DMRTA2: variants seen among roughly 807,000 people sequenced by gnomAD.
The protein encoded by DMRTA2 is DMRT like family A2, also known as doublesex- and mab-3-related transcription factor A2.
DMRTA2 carries 10 observed loss-of-function variants against 29.7 expected under a neutral mutation model. The observed-to-expected ratio is 0.34, with a 90% CI of 0.21 to 0.57. The LOEUF is 0.57. Ranked by LOEUF, DMRTA2 falls within the 20% of genes least tolerant of loss-of-function variation. The pLI is 0.87. For missense variants in DMRTA2, 783 were observed against 812.1 expected (o/e 0.96, Z 0.44); for synonymous variants, 469 against 402.6 (o/e 1.16, Z -1.97).
rs779067709 is a variant in DMRTA2, at chr1:50,419,322, G to A, written c.972C>T (p.Phe324=). 6.3e-7 allele frequency: 1 copy of A among 1,596,762 alleles called. No individual in the cohort carries two copies. The highest frequency in any genetic ancestry group is 8.5e-7 in the Non-Finnish European group (1 of 1,179,052). The part of the protein sequence containing the change: ...RTPLDILTRV[F]PGHRRGVLEL... ...CCAGGACGCCTCGCCGGTGGCCTGG[G>A]AACACGCGTGTCAAGATATCCAGCG... Residue 324 remains phenylalanine, a synonymous_variant, in exon 3 of 3, where the codon TTC becomes TTT. Coordinates refer to ENST00000404795, the MANE Select transcript of DMRTA2 (RefSeq NM_032110.3). The surrounding 1 kb of genome is among the most constrained non-coding windows in gnomAD (Gnocchi z 6.1).
rs968821956 is a variant in DMRTA2 at position 50,421,378 on chromosome 1, C to T, written c.159G>A (p.Gly53=). 4.7e-6 allele frequency: 7 copies of T among 1,496,802 alleles called. No individual in the cohort carries two copies. The highest frequency in any genetic ancestry group is 6.2e-6 in the Non-Finnish European group (7 of 1,124,100). The allele number at this position is 1,496,802 out of a possible 1,614,324, so 92.7% of individuals were successfully genotyped here. A position where few individuals can be genotyped will look rare whatever the true frequency, so the allele number is the denominator to read the frequency against. The change falls in exon 2 of 3, where the codon GGG becomes GGA. Residue 53 remains glycine (G), a synonymous_variant. Coordinates refer to ENST00000404795, the MANE Select transcript of DMRTA2 (RefSeq NM_032110.3). This position sits in a 1 kb window ranked among gnomAD's most constrained non-coding sequence, Gnocchi z 8.7. ...PVSVAGGLLR[G]PPLLLRAAEK... is the part of the protein sequence containing the mutation. ...CGGCTGCCCGCAGCAACAGTGGCGG[C>T]CCCCGCAGCAAGCCGCCTGCCACGC...
chr1:50,419,730 G>A lies in DMRTA2; in HGVS notation c.564C>T (p.Ala188=). The stretch of plus-strand genomic sequence containing the variant: ...GAAACAGGTCAAACTTCTGCAACTT[G>A]GCCTCTGGGAGGGGAGAAAACGTGT... ...GGAAGAGGSE[A]KLQKFDLFPK... is the part of the protein sequence containing the mutation. The change falls in exon 3 of 3, where the codon GCC becomes GCT. Residue 188 remains alanine, a synonymous_variant. Coordinates refer to ENST00000404795, the MANE Select transcript of DMRTA2 (RefSeq NM_032110.3). The surrounding 1 kb of genome is among the most constrained non-coding windows in gnomAD (Gnocchi z 6.1). 6.8e-7 allele frequency: 1 copy of A among 1,468,456 alleles called. No homozygotes were observed. Among genetic ancestry groups the A allele is most frequent in the South Asian group, 1.5e-5 (1 of 68,716 alleles). The allele number at this position is 1,468,456 out of a possible 1,614,324, so 91.0% of individuals were successfully genotyped here. A position where few individuals can be genotyped will look rare whatever the true frequency, so the allele number is the denominator to read the frequency against.
rs745555776 is a variant in DMRTA2, at chr1:50,422,840, G to A, written c.-9+276C>T. On this transcript the variant is annotated intron_variant, in intron 1 of 2. Coordinates refer to ENST00000404795, the MANE Select transcript of DMRTA2 (RefSeq NM_032110.3). This position sits in a 1 kb window ranked among gnomAD's most constrained non-coding sequence, Gnocchi z 5.7. ...CAACTGGCCATAAACGGACACCAGA[G>A]TCCCTCCCACGCCGCAGCCCCATAA... Among the ~76,000 whole-genome samples the A allele has an allele frequency of 6.6e-6, 1 of 152,190 alleles. No homozygotes were observed. Among genetic ancestry groups the A allele is most frequent in the Non-Finnish European group, 1.5e-5 (1 of 68,024 alleles).
rs1433365350 is a variant in DMRTA2 at position 50,419,979 on chromosome 1, A to C, written c.560-245T>G. Among the ~76,000 whole-genome samples, 1 of 151,944 alleles carries C rather than the reference A, an allele frequency of 6.6e-6. No homozygotes were observed. The highest frequency in any genetic ancestry group is 2.4e-5 in the African/African-American group (1 of 41,328). ...CAACTACCTGTGCCCTGTAAACTCG[A>C]TGTTCAGTGCTGCTTTCCCCACGTC... On this transcript the variant is annotated intron_variant, in intron 2 of 2. Transcript: ENST00000404795. This position sits in a 1 kb window ranked among gnomAD's most constrained non-coding sequence, Gnocchi z 6.1.
Position 50,420,317 on chromosome 1 carries a change from G to T in DMRTA2, c.560-583C>A, listed in dbSNP as rs1572734674. On this transcript the variant is annotated intron_variant, in intron 2 of 2. Transcript: ENST00000404795. The surrounding 1 kb of genome is among the most constrained non-coding windows in gnomAD (Gnocchi z 4.1). The stretch of plus-strand genomic sequence containing the variant: ...AGCGGATCCCTCCTTTCCCTCAACG[G>T]CTCTGGCCTAATTTCTTCCCTCCCC... 6.6e-6 allele frequency among the ~76,000 whole-genome samples: 1 copy of T among 152,076 alleles called. No homozygotes were observed. Among genetic ancestry groups the T allele is most frequent in the East Asian group, 1.9e-4 (1 of 5,192 alleles).
chr1:50,419,492 C>T lies in DMRTA2; in HGVS notation c.802G>A (p.Gly268Ser). Residue 268 changes from glycine (G) to serine (S), a missense_variant, in exon 3 of 3, where the codon GGC (glycine) becomes AGC (serine). By Grantham distance (56) the Gly-to-Ser change is moderately conservative. Coordinates refer to ENST00000404795, the MANE Select transcript of DMRTA2 (RefSeq NM_032110.3). The surrounding 1 kb of genome is among the most constrained non-coding windows in gnomAD (Gnocchi z 6.1). ...EAGGSCPGSA[G>S]PGGGGEEDSP... The stretch of plus-strand genomic sequence containing the variant: ...TCCTCCTCGCCGCCGCCGCCAGGGC[C>T]AGCGCTGCCTGGGCAGCTGCCACCT... 1 of 1,594,836 alleles carries T rather than the reference C, an allele frequency of 6.3e-7. No homozygotes were observed. Among genetic ancestry groups the T allele is most frequent in the East Asian group, 2.3e-5 (1 of 44,012 alleles).
Position 50,421,026 on chromosome 1 carries a change from C to G in DMRTA2, c.511G>C (p.Gly171Arg), listed in dbSNP as rs1646033795. Residue 171 changes from glycine to arginine, a missense_variant, in exon 2 of 3, where the codon GGA (glycine) becomes CGA (arginine). Gly to Arg is a moderately radical substitution (Grantham distance 125, BLOSUM62 -2). Transcript: ENST00000404795. The surrounding 1 kb of genome is among the most constrained non-coding windows in gnomAD (Gnocchi z 8.7). ...CAADGGGPGA[G>R]APAGTGGGAA... is the part of the protein sequence containing the mutation. ...CCGCCTCCGGTCCCCGCGGGCGCTCCCGCTCCAGGTCCCCCGCCGTCGGCG... is the reference window on the plus strand; with the variant it reads ...CCGCCTCCGGTCCCCGCGGGCGCTCGCGCTCCAGGTCCCCCGCCGTCGGCG... The G allele has an allele frequency of 1.3e-6, 2 of 1,509,558 alleles. No homozygotes were observed. The highest frequency in any genetic ancestry group is 4.1e-5 in the Admixed American group (2 of 48,780). The allele number at this position is 1,509,558 out of a possible 1,614,324, so 93.5% of individuals were successfully genotyped here.
chr1:50,421,561 T>C lies in DMRTA2; in HGVS notation c.-8-17A>G. 8.1e-7 allele frequency: 1 copy of C among 1,239,632 alleles called. No individual in the cohort carries two copies. The highest frequency in any genetic ancestry group is 1.0e-6 in the Non-Finnish European group (1 of 994,718). 76.8% of individuals were successfully genotyped at this position (1,239,632 alleles called of 1,614,324 possible). ...TGACAGGACCTGACGGGAAAGAAGG[T>C]GGGAGAGGGGAGAGACCTGGTGAGG... On this transcript the variant is annotated splice_polypyrimidine_tract_variant and intron_variant, in intron 1 of 2. Coordinates refer to ENST00000404795, the MANE Select transcript of DMRTA2 (RefSeq NM_032110.3). This position sits in a 1 kb window ranked among gnomAD's most constrained non-coding sequence, Gnocchi z 8.7.
In DMRTA2 at chr1:50,420,934, C is replaced by G. The variant is rs1007173044; in HGVS notation, c.559+44G>C. On this transcript the variant is annotated intron_variant, in intron 2 of 2. Coordinates refer to ENST00000404795, the MANE Select transcript of DMRTA2 (RefSeq NM_032110.3). The surrounding 1 kb of genome is among the most constrained non-coding windows in gnomAD (Gnocchi z 4.1). ...AGCCCCTGGGCCCCGTGCCCCAGAG[C>G]TACGATCCTGCTGCCCCTACCTGCG... is the stretch of plus-strand genomic sequence containing the variant. The G allele has an allele frequency of 1.2e-5, 17 of 1,405,830 alleles. No homozygotes were observed. Among genetic ancestry groups the G allele is most frequent in the Middle Eastern group, 2.6e-4 (1 of 3,882 alleles). The allele number at this position is 1,405,830 out of a possible 1,614,324, so 87.1% of individuals were successfully genotyped here. A position where few individuals can be genotyped will look rare whatever the true frequency, so the allele number is the denominator to read the frequency against.
In DMRTA2 at chr1:50,421,032, C is replaced by G. The variant is rs774531635; in HGVS notation, c.505G>C (p.Gly169Arg). The change falls in exon 2 of 3, where the codon GGA (glycine) becomes CGA (arginine). Residue 169 changes from glycine to arginine, a missense_variant. Gly to Arg is a moderately radical substitution (Grantham distance 125). Coordinates refer to ENST00000404795, the MANE Select transcript of DMRTA2 (RefSeq NM_032110.3). This position sits in a 1 kb window ranked among gnomAD's most constrained non-coding sequence, Gnocchi z 8.7. The stretch of plus-strand genomic sequence containing the variant: ...CCGGTCCCCGCGGGCGCTCCCGCTC[C>G]AGGTCCCCCGCCGTCGGCGGCGCAC... ...SVCAADGGGP[G>R]AGAPAGTGGG... 1 of 1,511,392 alleles carries G rather than the reference C, an allele frequency of 6.6e-7. No individual in the cohort carries two copies. Among genetic ancestry groups the G allele is most frequent in the Non-Finnish European group, 8.8e-7 (1 of 1,136,462 alleles). 93.6% of individuals were successfully genotyped at this position (1,511,392 alleles called of 1,614,324 possible).
rs1646037962 is a variant in DMRTA2 at position 50,421,448 on chromosome 1, G to T, written c.89C>A (p.Ala30Glu). 7.5e-6 allele frequency: 10 copies of T among 1,324,834 alleles called. No homozygotes were observed. The highest frequency in any genetic ancestry group is 9.6e-6 in the Non-Finnish European group (10 of 1,042,912). The allele number at this position is 1,324,834 out of a possible 1,614,324, so 82.1% of individuals were successfully genotyped here. The change falls in exon 2 of 3, where the codon GCG (alanine) becomes GAG (glutamate). Residue 30 changes from alanine to glutamate, a missense_variant. Around this residue, in one of 3 missense-constraint regions of DMRTA2, gnomAD observed 76 missense variants for 152.6 expected, o/e 0.50. Coordinates refer to ENST00000404795, the MANE Select transcript of DMRTA2 (RefSeq NM_032110.3). This position sits in a 1 kb window ranked among gnomAD's most constrained non-coding sequence, Gnocchi z 8.7. ...GGCCGCCGCGGCTGCCGCCACCGAC[G>T]CCACCGACGCCACAGGCGGCCCCGT... ...TATGPPVASV[A>E]SVAAAAAAAA...
rs1646053216 is a variant in DMRTA2, at chr1:50,423,345, C to A, written c.-238G>T. ...TCGTCTGCGGGCCGCGTGGTTGGAACCCGCGACCTGACTCTCGCCGTGCCG... is the reference window on the plus strand; with the variant it reads ...TCGTCTGCGGGCCGCGTGGTTGGAAACCGCGACCTGACTCTCGCCGTGCCG... On this transcript the variant is annotated 5_prime_UTR_variant, in exon 1 of 3. Transcript: ENST00000404795. The A allele has an allele frequency of 6.6e-6, 1 of 152,228 alleles. No individual in the cohort carries two copies. The highest frequency in any genetic ancestry group is 1.5e-5 in the Non-Finnish European group (1 of 68,038). 9.4% of individuals were successfully genotyped at this position (152,228 alleles called of 1,614,324 possible). A position where few individuals can be genotyped will look rare whatever the true frequency, so the allele number is the denominator to read the frequency against.
rs756728505 is a variant in DMRTA2 at position 50,419,631 on chromosome 1, G to A, written c.663C>T (p.Gly221=). The A allele has an allele frequency of 1.3e-6, 2 of 1,523,358 alleles. No individual in the cohort carries two copies. Among genetic ancestry groups the A allele is most frequent in the African/African-American group, 1.4e-5 (1 of 70,108 alleles). The allele number at this position is 1,523,358 out of a possible 1,614,324, so 94.4% of individuals were successfully genotyped here. A position where few individuals can be genotyped will look rare whatever the true frequency, so the allele number is the denominator to read the frequency against. Residue 221 remains glycine (G), a synonymous_variant, in exon 3 of 3, where the codon GGC becomes GGT. Transcript: ENST00000404795. This position sits in a 1 kb window ranked among gnomAD's most constrained non-coding sequence, Gnocchi z 6.1. The part of the protein sequence containing the change: ...PPPVKPLSPD[G]ADSGPGTSSP... ...ACGACGTCCCGGGCCCCGAGTCTGCGCCGTCGGGTGATAAGGGCTTCACCG... is the reference window on the plus strand; with the variant it reads ...ACGACGTCCCGGGCCCCGAGTCTGCACCGTCGGGTGATAAGGGCTTCACCG...
In DMRTA2 at chr1:50,419,030, C is replaced by T. The variant is rs1375469078; in HGVS notation, c.1264G>A (p.Gly422Ser). Residue 422 changes from glycine to serine, a missense_variant, in exon 3 of 3, where the codon GGC becomes AGC. By Grantham distance (56) the Gly-to-Ser change is moderately conservative. Transcript: ENST00000404795. This position sits in a 1 kb window ranked among gnomAD's most constrained non-coding sequence, Gnocchi z 6.1. ...APPHHRPLLA[G>S]AMAPGALGSL... ...CCCAGCGCCCCAGGCGCCATGGCGCCGGCCAGCAAGGGTCTGTGGTGCGGA... is the reference window on the plus strand; with the variant it reads ...CCCAGCGCCCCAGGCGCCATGGCGCTGGCCAGCAAGGGTCTGTGGTGCGGA... 7.2e-7 allele frequency: 1 copy of T among 1,387,306 alleles called. No individual in the cohort carries two copies. Among genetic ancestry groups the T allele is most frequent in the Non-Finnish European group, 9.3e-7 (1 of 1,076,520 alleles). 85.9% of individuals were successfully genotyped at this position (1,387,306 alleles called of 1,614,324 possible). A position where few individuals can be genotyped will look rare whatever the true frequency, so the allele number is the denominator to read the frequency against.
In DMRTA2 at chr1:50,420,627, G is replaced by A. The variant is rs1646029272; in HGVS notation, c.559+351C>T. ...GGGAAGGAGCAGAGGGAAAGGGCCT[G>A]TGGAGAAGCGCAGAGCGAACGAAGA... On this transcript the variant is annotated intron_variant, in intron 2 of 2. Transcript: ENST00000404795. This position sits in a 1 kb window ranked among gnomAD's most constrained non-coding sequence, Gnocchi z 4.1. 6.6e-6 allele frequency among the ~76,000 whole-genome samples: 1 copy of A among 152,174 alleles called. No individual in the cohort carries two copies. The highest frequency in any genetic ancestry group is 1.5e-5 in the Non-Finnish European group (1 of 68,016).
Position 50,422,951 on chromosome 1 carries a change from T to A in DMRTA2, c.-9+165A>T, listed in dbSNP as rs544360726. 7.2e-4 allele frequency among the ~76,000 whole-genome samples: 110 copies of A among 152,156 alleles called. No homozygotes were observed. The highest frequency in any genetic ancestry group is 2.6e-3 in the African/African-American group (108 of 41,526). On this transcript the variant is annotated intron_variant, in intron 1 of 2. Transcript: ENST00000404795. The surrounding 1 kb of genome is among the most constrained non-coding windows in gnomAD (Gnocchi z 5.7). ...GTCCCTGCCAGAGCCCGCGACAGAG[T>A]CCTTGTGTCTCCGTCCGAGAGTCCC...
Position 50,418,483 on chromosome 1 carries a change from C to T in DMRTA2, c.*182G>A, listed in dbSNP as rs1490124250. 6 of 439,540 alleles carry T rather than the reference C, an allele frequency of 1.4e-5. No homozygotes were observed. Among genetic ancestry groups the T allele is most frequent in the Non-Finnish European group, 2.3e-5 (6 of 263,620 alleles). 27.2% of individuals were successfully genotyped at this position (439,540 alleles called of 1,614,324 possible). ...CGAGAACACCTGCACCTGTCTGTAG[C>T]TGCTCCCCCTTTGCTCAGCCTTCCC... On this transcript the variant is annotated 3_prime_UTR_variant, in exon 3 of 3. Coordinates refer to ENST00000404795, the MANE Select transcript of DMRTA2 (RefSeq NM_032110.3).
At position 50,421,064 on chromosome 1, in the gene DMRTA2, C is replaced by T; in HGVS notation, c.473G>A (p.Gly158Asp). ...CCCGCCGTCGGCGGCGCACACTGAACCGAAGACCTCGTAGGCGGGCCTCGG... is the reference window on the plus strand; with the variant it reads ...CCCGCCGTCGGCGGCGCACACTGAATCGAAGACCTCGTAGGCGGGCCTCGG... ...IPPRPAYEVF[G>D]SVCAADGGGP... Residue 158 changes from glycine (G) to aspartate (D), a missense_variant, in exon 2 of 3, where the codon GGT (glycine) becomes GAT (aspartate). Physicochemically the swap from Gly to Asp is moderately conservative, Grantham distance 94 (BLOSUM62 -1). Transcript: ENST00000404795. The surrounding 1 kb of genome is among the most constrained non-coding windows in gnomAD (Gnocchi z 8.7). 1 of 1,520,766 alleles carries T rather than the reference C, an allele frequency of 6.6e-7. No homozygotes were observed. The highest frequency in any genetic ancestry group is 8.8e-7 in the Non-Finnish European group (1 of 1,140,138). 94.2% of individuals were successfully genotyped at this position (1,520,766 alleles called of 1,614,324 possible).
At position 50,418,829 on chromosome 1, in the gene DMRTA2, C is replaced by T; in HGVS notation, c.1465G>A (p.Ala489Thr). ...GLAFMAPYST[A>T]GLVPTLGFRP... ...AAGCCGAGCGTGGGCACCAAGCCGGCAGTGGAGTAGGGCGCCATGAAGGCC... is the reference window on the plus strand; with the variant it reads ...AAGCCGAGCGTGGGCACCAAGCCGGTAGTGGAGTAGGGCGCCATGAAGGCC... Residue 489 changes from alanine (A) to threonine (T), a missense_variant, in exon 3 of 3, where the codon GCC becomes ACC. Around this residue, in one of 3 missense-constraint regions of DMRTA2, gnomAD observed 667 missense variants for 624.8 expected, o/e 1.07. Coordinates refer to ENST00000404795, the MANE Select transcript of DMRTA2 (RefSeq NM_032110.3). 6.3e-7 allele frequency: 1 copy of T among 1,586,490 alleles called. No homozygotes were observed. Among genetic ancestry groups the T allele is most frequent in the Non-Finnish European group, 8.6e-7 (1 of 1,169,368 alleles).
Sources: gnomAD v4.1 joint callset for allele counts (sites outside exome capture counted in the v4.1 genomes callset) on GRCh38, gnomAD v4.1.1 for gene constraint, gnomAD v4.1.1 regional missense constraint, Gnocchi (gnomAD v3.1) non-coding constraint, MANE v1.5 for transcripts, NCBI Gene and HGNC (gene_info 2026-07-23, HGNC 2026-07-21) for gene names.